Variants in ATP11C observed in about 807,000 individuals in gnomAD.
The protein encoded by ATP11C is ATPase phospholipid transporting 11C (ATP11C blood group).
In ATP11C, 36 loss-of-function variants were observed where a neutral mutation model predicts 97.4. The ratio of observed to expected loss-of-function variants is 0.37; its 90% CI spans 0.28 to 0.49. ATP11C has a LOEUF of 0.49. ATP11C is among the 20% of genes least tolerant of loss of function. The pLI is 0.98. For synonymous variants in ATP11C, 275 were observed against 290.9 expected (o/e 0.95, Z 0.56); for missense variants, 730 against 824.6 (o/e 0.89, Z 1.40).
Position 139,789,406 on chromosome X carries a change from T to C in ATP11C, c.1289A>G (p.Lys430Arg). 8.3e-7 allele frequency: 1 copy of C among 1,206,812 alleles called. No individual in the cohort carries two copies. Among genetic ancestry groups the C allele is most frequent in the South Asian group, 1.8e-5 (1 of 56,307 alleles). ...AACCTCTTGAGTTACACCTTTATATTTGTGGCCATCTATGCAGCATTCAAT... is the reference window on the plus strand; with the variant it reads ...AACCTCTTGAGTTACACCTTTATATCTGTGGCCATCTATGCAGCATTCAAT... ...EFIECCIDGHKYKGVTQEVDG... is the reference protein window; with the variant it reads ...EFIECCIDGHRYKGVTQEVDG... Residue 430 changes from lysine to arginine, a missense_variant, in exon 13 of 30, where the codon AAA becomes AGA. Lys to Arg is a conservative substitution (Grantham distance 26). Coordinates refer to ENST00000682941, the MANE Select transcript of ATP11C (RefSeq NM_001353812.2).
intron 28 of ATP11C, among the ~76,000 whole-genome samples, chrX:139,733,970 G>A (rs2081396102): frequency 9.0e-6 from 1 of 111,356 alleles, no homozygotes; most frequent in South Asian, 3.8e-4. Context: ...CGGCAGTGGG[G>A]TGGGGTAAAC....
At chrX:139,738,977 C>T (rs985734722) in intron 27 of ATP11C, among the ~76,000 whole-genome samples, 5 of 111,566 alleles carry the variant, frequency 4.5e-5, no homozygotes, top group African/African-American at 1.6e-4. Context: ...AAATTAATGT[C>T]TATGCACCCT....
chrX:139,901,819 G>A lies in ATP11C; in HGVS notation c.27+30197C>T, dbSNP rs966915185. Among the ~76,000 whole-genome samples, 3 of 111,202 alleles carry A rather than the reference G, an allele frequency of 2.7e-5. No individual in the cohort carries two copies. In the East Asian group the frequency reaches 8.5e-4, roughly 32 times the overall value. ...AACTGAAACCTTGGTTGTCTAAAAC[G>A]GGGAGATAAAAGCATGAAGGGCTGG... On this transcript the variant is annotated intron_variant, in intron 1 of 29. Coordinates refer to ENST00000682941, the MANE Select transcript of ATP11C (RefSeq NM_001353812.2).
intron 6 of ATP11C, among the ~76,000 whole-genome samples, chrX:139,802,855 A>C (rs1006623167): frequency 8.9e-6 from 1 of 112,225 alleles, no homozygotes; most frequent in African/African-American, 3.2e-5. Flanking sequence ...GAAAATGTTC[A>C]ATATGGATAC....
At position 139,727,869 on chromosome X, in the gene ATP11C, T is replaced by C. The variant is rs367977210; in HGVS notation, c.*1097A>G. On this transcript the variant is annotated 3_prime_UTR_variant, in exon 30 of 30. Transcript: ENST00000682941. Reference sequence around the variant, plus strand: ...GAGTTAGACCATTTCCCTGTCCAAGTTAAGAGACAACATTCATCTTCACAG... The same window carrying C: ...GAGTTAGACCATTTCCCTGTCCAAGCTAAGAGACAACATTCATCTTCACAG... 8.9e-6 allele frequency: 1 copy of C among 112,153 alleles called. No homozygotes were observed. Among genetic ancestry groups the C allele is most frequent in the African/African-American group, 3.2e-5 (1 of 30,833 alleles). 9.2% of individuals were successfully genotyped at this position (112,153 alleles called of 1,213,427 possible).
intron 1 of ATP11C, among the ~76,000 whole-genome samples, chrX:139,891,197 C>CA (rs35280856): frequency 0.13 from 4,435 of 35,045 alleles, 199 homozygotes; most frequent in East Asian, 0.22. Context: ...AGAGATTGGC[C>CA]AAAAAAAAAA....
At chrX:139,808,243 A>C (rs947460850) in intron 5 of ATP11C, among the ~76,000 whole-genome samples, 8 of 111,636 alleles carry the variant, frequency 7.2e-5, no homozygotes, top group African/African-American at 2.6e-4. Flanking sequence ...AAATTACTCA[A>C]AGGAGAAAAT....
chrX:139,845,526 G>C (rs149472936), intron 1 of ATP11C, among the ~76,000 whole-genome samples: 259 of 112,057 alleles, frequency 2.3e-3, no homozygotes, highest in Middle Eastern at 9.2e-3. Flanking sequence ...ATTCCAGTGA[G>C]TAGAGGAAAT....
chrX:139,908,953 T>G (rs1171053737), intron 1 of ATP11C, among the ~76,000 whole-genome samples: 1 of 112,037 alleles, frequency 8.9e-6, no homozygotes, highest in African/African-American at 3.2e-5. Flanking sequence ...GACCCAGGAC[T>G]AAAGCTCCTC....
At chrX:139,765,406 AACAAT>A (rs1473635363) in intron 20 of ATP11C, among the ~76,000 whole-genome samples, 1 of 111,969 alleles carries the variant, frequency 8.9e-6, no homozygotes, top group Non-Finnish European at 1.9e-5. Flanking sequence ...TAAGCAGATT[AACAAT>A]ACAAGGTAAC....
At chrX:139,741,511 G>C (rs1255492875) in intron 26 of ATP11C, among the ~76,000 whole-genome samples, 1 of 110,960 alleles carries the variant, frequency 9.0e-6, no homozygotes, top group Non-Finnish European at 1.9e-5. Context: ...GTAGGAGAGG[G>C]AAGGGGTAGC....
At chrX:139,896,642 T>TC (rs2084813778) in intron 1 of ATP11C, among the ~76,000 whole-genome samples, 1 of 107,202 alleles carries the variant, frequency 9.3e-6, no homozygotes, top group Non-Finnish European at 1.9e-5. Context: ...TCTCTCTCTC[T>TC]CTCTCTCTCT....
intron 19 of ATP11C, among the ~76,000 whole-genome samples, chrX:139,770,558 G>A (rs1025651994): frequency 9.0e-6 from 1 of 111,002 alleles, no homozygotes; most frequent in South Asian, 3.9e-4. Context: ...AGGGGCTTAA[G>A]GGATTTCATG....
At chrX:139,806,984 T>C (rs142937426) in intron 5 of ATP11C, among the ~76,000 whole-genome samples, 1 of 111,101 alleles carries the variant, frequency 9.0e-6, no homozygotes, top group Non-Finnish European at 1.9e-5. Flanking sequence ...AAACCTATCA[T>C]ACCAATAACC....
intron 8 of ATP11C, among the ~76,000 whole-genome samples, chrX:139,798,989 G>T (rs986795636): frequency 1.8e-5 from 2 of 109,582 alleles, no homozygotes; most frequent in East Asian, 2.9e-4. Flanking sequence ...AAAAATACAT[G>T]GGGGGGGATA....
chrX:139,768,948 ACGCCTGAGAGTCCCAGCC>A (rs2082192179), intron 19 of ATP11C, among the ~76,000 whole-genome samples: 1 of 103,819 alleles, frequency 9.6e-6, no homozygotes, highest in Non-Finnish European at 2.0e-5. Context: ...GCCTTAGCTC[ACGCCTGAGAGTCCCAGCC>A]CTTCCTAAGA....
At chrX:139,871,012 C>T (rs1353773972) in intron 1 of ATP11C, among the ~76,000 whole-genome samples, 4 of 92,237 alleles carry the variant, frequency 4.3e-5, no homozygotes, top group Non-Finnish European at 8.3e-5. Flanking sequence ...GCCGAGATTG[C>T]GCCACTGCAG....
Position 139,768,418 on chromosome X carries a change from G to A in ATP11C, c.2233C>T (p.Gln745Ter). Reference sequence around the variant, plus strand: ...CCATCTATGATTAATCCATATTCCTGATGTTCTGTCCATGCTCTGAAAAAG... The same window carrying A: ...CCATCTATGATTAATCCATATTCCTAATGTTCTGTCCATGCTCTGAAAAAG... ...RSFKKAWTEHQEYGLIIDGST... is the reference protein window; with the variant it reads ...RSFKKAWTEH The change falls in exon 20 of 30, where the codon CAG becomes TAG. Residue 745 changes from glutamine to a stop codon, truncating the protein, a stop_gained. Transcript: ENST00000682941. LOFTEE classifies it high-confidence loss of function. The A allele has an allele frequency of 8.9e-7, 1 of 1,126,166 alleles. No homozygotes were observed. Among genetic ancestry groups the A allele is most frequent in the Non-Finnish European group, 1.2e-6 (1 of 847,271 alleles). 92.8% of individuals were successfully genotyped at this position (1,126,166 alleles called of 1,213,427 possible).
At chrX:139,742,053 T>C (rs778647954) in intron 26 of ATP11C, among the ~76,000 whole-genome samples, 3 of 111,507 alleles carry the variant, frequency 2.7e-5, no homozygotes, top group Non-Finnish European at 5.7e-5. Context: ...AATACTAATA[T>C]TAATCCAAAG....
Sources: allele counts gnomAD v4.1 joint callset (sites outside exome capture counted in the v4.1 genomes callset), GRCh38; gene constraint gnomAD v4.1.1; transcripts MANE v1.5; gene names NCBI Gene and HGNC (gene_info 2026-07-23, HGNC 2026-07-21).